MDFIC2: variants seen among roughly 807,000 people sequenced by gnomAD.
MDFIC2 encodes MyoD family inhibitor domain containing 2.
intron 2 of MDFIC2, among the ~76,000 whole-genome samples, chr3:70,275,005 C>A (rs548502759): frequency 2.0e-5 from 3 of 152,112 alleles, no homozygotes; most frequent in African/African-American, 7.2e-5. Flanking sequence ...ATTCTCAGAA[C>A]CTTGTTTCTC....
chr3:70,278,712 C>T (rs1053023073), intron 2 of MDFIC2, among the ~76,000 whole-genome samples: 3 of 152,062 alleles, frequency 2.0e-5, no homozygotes, highest in Non-Finnish European at 2.9e-5. Context: ...TGGTTGGAAC[C>T]CAGGTTTTGA....
chr3:70,260,076 G>A (rs1442799187), intron 2 of MDFIC2, among the ~76,000 whole-genome samples: 1 of 152,154 alleles, frequency 6.6e-6, no homozygotes, highest in Non-Finnish European at 1.5e-5. Context: ...AGATTTGGGT[G>A]GGGACACAAA....
At chr3:70,205,614 A>G (rs1701282465) in intron 3 of MDFIC2, 1 of 152,114 alleles carries the variant, frequency 6.6e-6, no homozygotes, top group Non-Finnish European at 1.5e-5. Context: ...ATCAGAGACT[A>G]AAATTTAGAG....
intron 2 of MDFIC2, among the ~76,000 whole-genome samples, chr3:70,255,436 T>C (rs1483084268): frequency 2.0e-5 from 3 of 152,144 alleles, no homozygotes; most frequent in Non-Finnish European, 4.4e-5. Flanking sequence ...TTTTTTTTTC[T>C]TCTTTATTTT....
chr3:70,245,355 AT>A, intron 2 of MDFIC2, among the ~76,000 whole-genome samples: 1 of 152,170 alleles, frequency 6.6e-6, no homozygotes, highest in East Asian at 1.9e-4. Context: ...CTTTAACAAA[AT>A]ATTAGAATAT....
intron 2 of MDFIC2, among the ~76,000 whole-genome samples, chr3:70,225,069 T>A (rs887531512): frequency 2.6e-5 from 4 of 152,164 alleles, no homozygotes; most frequent in Non-Finnish European, 5.9e-5. Flanking sequence ...ATATCTTGGG[T>A]GTTGGAAAGT....
Position 70,206,678 on chromosome 3 carries a change from A to C in MDFIC2, c.201T>G (p.Asn67Lys), listed in dbSNP as rs1256110293. 5.0e-6 allele frequency: 2 copies of C among 397,800 alleles called. No individual in the cohort carries two copies. Among genetic ancestry groups the C allele is most frequent in the Non-Finnish European group, 8.9e-6 (2 of 225,628 alleles). 24.6% of individuals were successfully genotyped at this position (397,800 alleles called of 1,614,324 possible). A position where few individuals can be genotyped will look rare whatever the true frequency, so the allele number is the denominator to read the frequency against. ...TGCTGGATTCTGACAGTTTTTTCTC[A>C]TTGGGGTTTTCCTTGGCTGGTCCAT... is the stretch of plus-strand genomic sequence containing the variant. Reference protein sequence around the residue: ...ITDGPAKENPNEKKLSESSTS... With the variant: ...ITDGPAKENPKEKKLSESSTS... The change falls in exon 3 of 4, where the codon AAT (asparagine) becomes AAG (lysine). Residue 67 changes from asparagine (N) to lysine (K), a missense_variant. Coordinates refer to ENST00000567252, the MANE Select transcript of MDFIC2 (RefSeq NM_001364677.1).
At chr3:70,248,433 G>T (rs887139656) in intron 2 of MDFIC2, among the ~76,000 whole-genome samples, 2 of 152,082 alleles carry the variant, frequency 1.3e-5, no homozygotes, top group Non-Finnish European at 2.9e-5. Flanking sequence ...ACACTGGTTT[G>T]AACTGGAGTG....
At chr3:70,242,534 A>G (rs902488273) in intron 2 of MDFIC2, among the ~76,000 whole-genome samples, 1 of 152,160 alleles carries the variant, frequency 6.6e-6, no homozygotes, top group Non-Finnish European at 1.5e-5. Context: ...CCTCATTGCA[A>G]TCCTTTCCAA....
At chr3:70,206,501 T>C (rs1701291945) in intron 3 of MDFIC2, 68 bp downstream of exon 3, 4 of 396,578 alleles carry the variant, frequency 1.0e-5, no homozygotes, top group South Asian at 2.7e-4. Flanking sequence ...ACAGCATATG[T>C]GATGATTTTA....
chr3:70,237,273 C>A (rs1701619214), intron 2 of MDFIC2, among the ~76,000 whole-genome samples: 1 of 152,192 alleles, frequency 6.6e-6, no homozygotes, highest in South Asian at 2.1e-4. Flanking sequence ...GCATCATATT[C>A]TCCAGTGCGG....
chr3:70,307,359 T>A (rs2106706769), intron 2 of MDFIC2, among the ~76,000 whole-genome samples: 1 of 152,274 alleles, frequency 6.6e-6, no homozygotes, highest in African/African-American at 2.4e-5. Context: ...AAACTGCAAA[T>A]GGCAACAATT....
At chr3:70,240,132 A>G (rs1164929282) in intron 2 of MDFIC2, among the ~76,000 whole-genome samples, 2 of 152,142 alleles carry the variant, frequency 1.3e-5, no homozygotes, top group Non-Finnish European at 2.9e-5. Flanking sequence ...CTTAATGTAA[A>G]TTTTTAAAAT....
intron 2 of MDFIC2, among the ~76,000 whole-genome samples, chr3:70,289,126 C>G (rs1215320614): frequency 6.6e-5 from 10 of 150,832 alleles, no homozygotes; most frequent in Admixed American, 5.9e-4. Context: ...TGATTTTGCT[C>G]GTTAGTTGAT....
At chr3:70,276,042 A>T (rs966022982) in intron 2 of MDFIC2, among the ~76,000 whole-genome samples, 17 of 152,062 alleles carry the variant, frequency 1.1e-4, no homozygotes, top group African/African-American at 3.9e-4. Flanking sequence ...TTCAAACTTT[A>T]AAAAAAAGTA....
At chr3:70,216,244 A>G (rs1406588000) in intron 2 of MDFIC2, among the ~76,000 whole-genome samples, 2 of 150,374 alleles carry the variant, frequency 1.3e-5, no homozygotes, top group Non-Finnish European at 3.0e-5. Flanking sequence ...TAGAATATAT[A>G]TCAACATAAT....
intron 2 of MDFIC2, among the ~76,000 whole-genome samples, chr3:70,288,968 G>T (rs1268587506): frequency 6.6e-6 from 1 of 151,964 alleles, no homozygotes; most frequent in East Asian, 1.9e-4. Flanking sequence ...CACGTGAGAT[G>T]GGTTTCCTGA....
At chr3:70,250,467 A>C (rs1418023574) in intron 2 of MDFIC2, among the ~76,000 whole-genome samples, 1 of 151,226 alleles carries the variant, frequency 6.6e-6, no homozygotes, top group African/African-American at 2.4e-5. Context: ...AAACCTCAGA[A>C]TGATTTCCAA....
At chr3:70,302,446 C>A (rs1026533785) in intron 2 of MDFIC2, 8 of 152,028 alleles carry the variant, frequency 5.3e-5, no homozygotes, top group East Asian at 3.9e-4. Context: ...ACATAAGAGA[C>A]TTTTTTTTCC....
Sources: allele counts gnomAD v4.1 joint callset (sites outside exome capture counted in the v4.1 genomes callset), GRCh38; gene constraint gnomAD v4.1.1; transcripts MANE v1.5; gene names NCBI Gene and HGNC (gene_info 2026-07-23, HGNC 2026-07-21).